The following TRHDE variants were observed in gnomAD, a reference collection of about 807,000 sequenced individuals.
TRHDE encodes thyrotropin-releasing hormone-degrading ectoenzyme.
In TRHDE, 72 loss-of-function variants were observed where a neutral mutation model predicts 125.7. The ratio of observed to expected loss-of-function variants is 0.57; its 90% CI spans 0.47 to 0.70. The LOEUF (loss-of-function observed/expected upper bound fraction) is 0.70. TRHDE is among the 30% of genes least tolerant of loss of function. The pLI, the probability that TRHDE is intolerant of heterozygous loss-of-function variation, is 0.00. For missense variants in TRHDE, 1,110 were observed against 1,327.1 expected (o/e 0.84, Z 2.54); for synonymous variants, 509 against 509.1 (o/e 1.00, Z 0.00).
At chr12:72,229,830 C>A (rs1311102358) in intron 2 of TRHDE, among the ~76,000 whole-genome samples, 1 of 152,016 alleles carries the variant, frequency 6.6e-6, no homozygotes, top group African/African-American at 2.4e-5. Flanking sequence ...CTAATGCACA[C>A]TAGAAGAATA....
rs58647519 is a variant in TRHDE, at chr12:72,589,861, A to G, written c.2321+14319A>G. Among the ~76,000 whole-genome samples the G allele has an allele frequency of 5.3e-5, 8 of 151,880 alleles. No individual in the cohort carries two copies. The East Asian group carries it at 1.5e-3, about 29-fold the overall frequency. On this transcript the variant is annotated intron_variant, in intron 12 of 18. Transcript: ENST00000261180. ...AAAGAATCGGTTTCTGGTCTTGTTA[A>G]TTTTTAAATTATTCTATTTTCTATT...
intron 3 of TRHDE, among the ~76,000 whole-genome samples, chr12:72,454,447 C>A (rs1875739336): frequency 6.6e-6 from 1 of 152,116 alleles, no homozygotes; most frequent in South Asian, 2.1e-4. Context: ...ATGAGAAAGG[C>A]AGTGCTATTA....
intron 3 of TRHDE, among the ~76,000 whole-genome samples, chr12:72,392,911 A>T (rs1387012259): frequency 6.6e-6 from 1 of 152,152 alleles, no homozygotes; most frequent in Admixed American, 6.5e-5. Flanking sequence ...ATATGTGCAG[A>T]TTCATCACAT....
intron 3 of TRHDE, among the ~76,000 whole-genome samples, chr12:72,462,369 G>A (rs1876164334): frequency 6.6e-6 from 1 of 152,162 alleles, no homozygotes; most frequent in Non-Finnish European, 1.5e-5. Context: ...GAGTAGAGAG[G>A]TGATTTAGAA....
chr12:72,561,313 G>A (rs1870165201), intron 7 of TRHDE, among the ~76,000 whole-genome samples: 1 of 139,256 alleles, frequency 7.2e-6, no homozygotes, highest in South Asian at 2.1e-4. Flanking sequence ...TATAATTTAG[G>A]ATTTTGTCTA....
chr12:72,127,032 G>C (rs1379515914), intron 2 of TRHDE, among the ~76,000 whole-genome samples: 1 of 152,042 alleles, frequency 6.6e-6, no homozygotes, highest in African/African-American at 2.4e-5. Flanking sequence ...TAAAAAGTAG[G>C]CAAAAGACAT....
At chr12:72,213,016 A>T (rs761293350) in intron 2 of TRHDE, among the ~76,000 whole-genome samples, 5 of 152,192 alleles carry the variant, frequency 3.3e-5, no homozygotes, top group Non-Finnish European at 5.9e-5. Flanking sequence ...GGAATGAAAT[A>T]CTGATACATG....
chr12:72,313,792 A>G (rs1868658272), intron 2 of TRHDE, among the ~76,000 whole-genome samples: 1 of 152,198 alleles, frequency 6.6e-6, no homozygotes, highest in African/African-American at 2.4e-5. Flanking sequence ...ATAACTTTCA[A>G]AGCTAGAGAT....
chr12:72,490,992 CAAA>C (rs71438815), intron 5 of TRHDE, among the ~76,000 whole-genome samples: 41 of 119,322 alleles, frequency 3.4e-4, no homozygotes, highest in African/African-American at 6.5e-4. Context: ...GCCACAAAAC[CAAA>C]AAAAAAAAAA....
intron 2 of TRHDE, among the ~76,000 whole-genome samples, chr12:72,178,947 C>T (rs2139340159): frequency 6.6e-6 from 1 of 152,016 alleles, no homozygotes; most frequent in East Asian, 1.9e-4. Context: ...GTAATTTCTA[C>T]AAACTGAAGA....
At chr12:72,365,145 C>T (rs555493546) in intron 2 of TRHDE, among the ~76,000 whole-genome samples, 1 of 152,154 alleles carries the variant, frequency 6.6e-6, no homozygotes, top group African/African-American at 2.4e-5. Flanking sequence ...ATAATAACAG[C>T]CCTGTTGAAT....
chr12:72,379,437 G>A (rs1872046090), intron 3 of TRHDE, among the ~76,000 whole-genome samples: 1 of 152,058 alleles, frequency 6.6e-6, no homozygotes, highest in African/African-American at 2.4e-5. Context: ...AAATCTCCCT[G>A]GTGGTCACCC....
At chr12:72,337,702 G>A (rs1869890268) in intron 2 of TRHDE, among the ~76,000 whole-genome samples, 1 of 151,964 alleles carries the variant, frequency 6.6e-6, no homozygotes. Flanking sequence ...AACTGCTTGA[G>A]TCAGACGAGT....
At chr12:72,232,932 T>G (rs1338979267) in intron 2 of TRHDE, among the ~76,000 whole-genome samples, 1 of 152,200 alleles carries the variant, frequency 6.6e-6, no homozygotes, top group Non-Finnish European at 1.5e-5. Context: ...TTATCTCTCT[T>G]AAATAAGTGG....
chr12:72,447,409 A>G (rs150870296), intron 3 of TRHDE, among the ~76,000 whole-genome samples: 19 of 152,294 alleles, frequency 1.2e-4, no homozygotes, highest in African/African-American at 4.6e-4. Context: ...CCACAAGAGA[A>G]AGCAGGAAAG....
chr12:72,164,599 G>A (rs1876705576), intron 2 of TRHDE, among the ~76,000 whole-genome samples: 1 of 152,168 alleles, frequency 6.6e-6, no homozygotes, highest in Non-Finnish European at 1.5e-5. Flanking sequence ...GGGCTGGCTA[G>A]ACAAGTTATC....
intron 10 of TRHDE, among the ~76,000 whole-genome samples, chr12:72,572,194 T>C (rs1870777356): frequency 6.6e-6 from 1 of 152,194 alleles, no homozygotes; most frequent in Non-Finnish European, 1.5e-5. Context: ...ATTTTTACTC[T>C]GGTTGACCTT....
intron 6 of TRHDE, among the ~76,000 whole-genome samples, chr12:72,528,455 G>A (rs1868382704): frequency 6.6e-6 from 1 of 152,092 alleles, no homozygotes; most frequent in Admixed American, 6.5e-5. Context: ...TTACTCACAA[G>A]TTCTGAACTG....
intron 3 of TRHDE, among the ~76,000 whole-genome samples, chr12:72,393,804 T>C (rs1872692670): frequency 6.6e-6 from 1 of 152,190 alleles, no homozygotes; most frequent in Non-Finnish European, 1.5e-5. Context: ...ATGTGAAGTA[T>C]GTTACAAGTA....
Sources: gnomAD v4.1 joint callset for allele counts (sites outside exome capture counted in the v4.1 genomes callset) on GRCh38, gnomAD v4.1.1 for gene constraint, MANE v1.5 for transcripts, NCBI Gene and HGNC (gene_info 2026-07-23, HGNC 2026-07-21) for gene names.